Variants in CLSTN2 observed in about 807,000 individuals in gnomAD.
CLSTN2 encodes calsyntenin-2.
In CLSTN2, 48 loss-of-function variants were observed where a neutral mutation model predicts 101.2. The observed-to-expected ratio is 0.47, with a 90% CI of 0.38 to 0.60. The LOEUF is 0.60. Ranked by LOEUF, CLSTN2 falls within the 20% of genes least tolerant of loss-of-function variation. The probability of loss-of-function intolerance (pLI) is 0.00; values close to 1 mark genes in which losing one functional copy is unlikely to be tolerated. For synonymous variants in CLSTN2, 481 were observed against 463.6 expected, an observed-to-expected ratio of 1.04 and a Z score of -0.48; for missense variants, 1,160 against 1,238.2, an observed-to-expected ratio of 0.94 and a Z score of 0.95.
At position 140,328,702 on chromosome 3, in the gene CLSTN2, C is replaced by G. The variant is rs1576517649; in HGVS notation, c.233-74927C>G. Among the ~76,000 whole-genome samples, 3 of 152,270 alleles carry G rather than the reference C, an allele frequency of 2.0e-5. No homozygotes were observed. In the South Asian group the frequency reaches 6.2e-4, roughly 32 times the overall value. The stretch of plus-strand genomic sequence containing the variant: ...CATGGAGACAGTCTAGATGTGAACC[C>G]TGGCTCTATCACTGAGTAACTCTGG... On this transcript the variant is annotated intron_variant, in intron 2 of 16. Transcript: ENST00000458420.
chr3:140,087,612 C>T (rs1243870341), intron 1 of CLSTN2, among the ~76,000 whole-genome samples: 1 of 152,090 alleles, frequency 6.6e-6, no homozygotes, highest in African/African-American at 2.4e-5. Context: ...AGATAGACTG[C>T]TGTTTTTGAG....
At chr3:140,053,348 A>G (rs1441684403) in intron 1 of CLSTN2, among the ~76,000 whole-genome samples, 1 of 152,214 alleles carries the variant, frequency 6.6e-6, no homozygotes, top group Non-Finnish European at 1.5e-5. Context: ...GAGGAAAGCA[A>G]TCTAGTTCCA....
rs369967209 is a variant in CLSTN2 at position 140,228,774 on chromosome 3, C to G, written c.232+52701C>G. Among the ~76,000 whole-genome samples, 9 of 152,266 alleles carry G rather than the reference C, an allele frequency of 5.9e-5. No homozygotes were observed. In the East Asian group the frequency reaches 1.3e-3, roughly 23 times the overall value. On this transcript the variant is annotated intron_variant, in intron 2 of 16. Transcript: ENST00000458420. Reference sequence around the variant, plus strand: ...TGGCTGCAGGCAGAGAGAGTTTGTGCAGGGGAACTCCTGTTTTTAAAACCA... The same window carrying G: ...TGGCTGCAGGCAGAGAGAGTTTGTGGAGGGGAACTCCTGTTTTTAAAACCA...
chr3:140,520,773 C>T (rs191998351), intron 8 of CLSTN2, among the ~76,000 whole-genome samples: 3 of 152,320 alleles, frequency 2.0e-5, no homozygotes, highest in African/African-American at 7.2e-5. Flanking sequence ...TGGTTCCATT[C>T]TCCCCGTCCC....
At chr3:140,283,779 C>T (rs2086870451) in intron 2 of CLSTN2, among the ~76,000 whole-genome samples, 1 of 152,060 alleles carries the variant, frequency 6.6e-6, no homozygotes, top group Admixed American at 6.5e-5. Context: ...TCTTTTTTCC[C>T]CTTCTCTCAT....
chr3:140,110,758 C>T (rs1424363723), intron 1 of CLSTN2, among the ~76,000 whole-genome samples: 1 of 152,100 alleles, frequency 6.6e-6, no homozygotes. Flanking sequence ...CTGTGTTGCA[C>T]CTCAGCCTCT....
At position 140,479,712 on chromosome 3, in the gene CLSTN2, G is replaced by A. The variant is rs1005143049; in HGVS notation, c.1344+12981G>A. 3.9e-5 allele frequency among the ~76,000 whole-genome samples: 6 copies of A among 152,086 alleles called. No homozygotes were observed. The South Asian group carries it at 6.2e-4, about 16-fold the overall frequency. ...TATCTAAAGTGAAAATATGGATTTC[G>A]CACATAAGAGAATAGAAATGGAAGA... is the stretch of plus-strand genomic sequence containing the variant. On this transcript the variant is annotated intron_variant, in intron 8 of 16. Transcript: ENST00000458420.
chr3:140,060,254 T>C (rs1212736251), intron 1 of CLSTN2, among the ~76,000 whole-genome samples: 1 of 152,068 alleles, frequency 6.6e-6, no homozygotes, highest in Non-Finnish European at 1.5e-5. Context: ...GTTCTCCAGA[T>C]GGTAGGAGAG....
chr3:140,032,012 C>T (rs2007562331), intron 1 of CLSTN2, among the ~76,000 whole-genome samples: 1 of 152,146 alleles, frequency 6.6e-6, no homozygotes, highest in African/African-American at 2.4e-5. Context: ...GCGATGGGAA[C>T]ACTGTTACAT....
At chr3:140,393,521 C>T (rs551083312) in intron 2 of CLSTN2, among the ~76,000 whole-genome samples, 1 of 152,336 alleles carries the variant, frequency 6.6e-6, no homozygotes, top group African/African-American at 2.4e-5. Context: ...TGCTAGATTC[C>T]TCCTTACAGG....
At chr3:140,456,750 G>A (rs1285112001) in intron 6 of CLSTN2, among the ~76,000 whole-genome samples, 1 of 152,022 alleles carries the variant, frequency 6.6e-6, no homozygotes, top group Admixed American at 6.6e-5. Flanking sequence ...TCGCGCCACT[G>A]TACTCTAGCC....
intron 8 of CLSTN2, among the ~76,000 whole-genome samples, chr3:140,473,752 T>TTTG (rs1553746650): frequency 2.0e-5 from 3 of 151,102 alleles, no homozygotes; most frequent in African/African-American, 7.3e-5. Context: ...GTGTTTTTTT[T>TTTG]TTGTTGTTGT....
At chr3:140,548,533 G>C (rs1935647095) in intron 10 of CLSTN2, among the ~76,000 whole-genome samples, 1 of 152,142 alleles carries the variant, frequency 6.6e-6, no homozygotes, top group South Asian at 2.1e-4. Flanking sequence ...GGCCTGAGTA[G>C]AATGTTTAAG....
chr3:139,967,236 G>A (rs1471152649), intron 1 of CLSTN2, among the ~76,000 whole-genome samples: 1 of 152,160 alleles, frequency 6.6e-6, no homozygotes, highest in Non-Finnish European at 1.5e-5. Flanking sequence ...TTTGAAAGGA[G>A]GTCTGTACAT....
chr3:140,052,365 C>T (rs1460822757), intron 1 of CLSTN2, among the ~76,000 whole-genome samples: 1 of 152,128 alleles, frequency 6.6e-6, no homozygotes, highest in Admixed American at 6.6e-5. Flanking sequence ...ACCGTATTGG[C>T]CAGGCTGGCC....
intron 1 of CLSTN2, among the ~76,000 whole-genome samples, chr3:139,938,170 G>A (rs1299370124): frequency 2.0e-5 from 3 of 149,496 alleles, no homozygotes; most frequent in African/African-American, 4.9e-5. Context: ...TCAGGAAGGC[G>A]TGTGAAGATT....
At chr3:140,002,138 C>A (rs2006855825) in intron 1 of CLSTN2, among the ~76,000 whole-genome samples, 1 of 152,172 alleles carries the variant, frequency 6.6e-6, no homozygotes, top group African/African-American at 2.4e-5. Flanking sequence ...TCTGAGGAAC[C>A]ATCAAACCGT....
chr3:140,532,606 CAA>C, intron 9 of CLSTN2, 120 bp downstream of exon 9: 2 of 718,446 alleles, frequency 2.8e-6, no homozygotes, highest in Non-Finnish European at 4.1e-6. Context: ...CTACCCCTTA[CAA>C]AAAAAAATTC....
intron 2 of CLSTN2, among the ~76,000 whole-genome samples, chr3:140,327,458 T>G (rs1422477497): frequency 1.3e-5 from 2 of 152,234 alleles, no homozygotes; most frequent in Non-Finnish European, 2.9e-5. Context: ...ATTAGTGTTC[T>G]GCTGGGCTCA....
Sources: gnomAD v4.1 joint callset for allele counts (sites outside exome capture counted in the v4.1 genomes callset) on GRCh38, gnomAD v4.1.1 for gene constraint, MANE v1.5 for transcripts, NCBI Gene and HGNC (gene_info 2026-07-23, HGNC 2026-07-21) for gene names.